The following CDH22 variants were observed in gnomAD, a reference collection of about 807,000 sequenced individuals.
CDH22 encodes the protein cadherin-22.
CDH22 carries 30 observed loss-of-function variants against 58.4 expected under a neutral mutation model. The observed-to-expected ratio is 0.51, with a 90% CI of 0.38 to 0.70. The LOEUF (loss-of-function observed/expected upper bound fraction) is 0.70, where lower values mean the gene tolerates loss of function less well. Ranked by LOEUF, CDH22 falls within the 30% of genes least tolerant of loss-of-function variation. The pLI is 0.00. For synonymous variants in CDH22, 513 were observed against 558.2 expected (o/e 0.92, Z 1.14); for missense variants, 1,014 against 1,233.9 (o/e 0.82, Z 2.67).
At chr20:46,284,196 C>G (rs900690511) in intron 1 of CDH22, among the ~76,000 whole-genome samples, 17 of 151,442 alleles carry the variant, frequency 1.1e-4, no homozygotes, top group African/African-American at 3.9e-4. Flanking sequence ...CCAGATCTTC[C>G]TGGAGTGCAT....
At chr20:46,190,342 C>G (rs935125685) in intron 8 of CDH22, among the ~76,000 whole-genome samples, 5 of 152,164 alleles carry the variant, frequency 3.3e-5, no homozygotes, top group Non-Finnish European at 7.4e-5. Flanking sequence ...AGCAGCAGAG[C>G]TGGGGTTGGG....
At chr20:46,301,972 C>G (rs2086654345) in intron 1 of CDH22, among the ~76,000 whole-genome samples, 1 of 152,202 alleles carries the variant, frequency 6.6e-6, no homozygotes, top group Non-Finnish European at 1.5e-5. Context: ...GTGCATCCTT[C>G]TCTCCTCTCT....
rs935333864 is a variant in CDH22 at position 46,298,369 on chromosome 20, G to A, written c.-400+9886C>T. On this transcript the variant is annotated intron_variant, in intron 1 of 11. Transcript: ENST00000537909. ...CAGGTATCTTCAAATGCTGTGTTAA[G>A]GTTTTATCAGAGCCTGGCACATAGT... 9.2e-5 allele frequency among the ~76,000 whole-genome samples: 14 copies of A among 152,200 alleles called. 1 individual carries two copies. The highest frequency in any genetic ancestry group is 6.5e-4 in the Admixed American group (10 of 15,280).
rs192874392 is a variant in CDH22 at position 46,176,880 on chromosome 20, G to A, written c.1915+1066C>T. On this transcript the variant is annotated intron_variant, in intron 11 of 11. Transcript: ENST00000537909. ...GACAGATGTGCCAGGCCTGATCAGC[G>A]ATTCCACCCGTCACCTTTAGAGCAC... 1.8e-4 allele frequency among the ~76,000 whole-genome samples: 27 copies of A among 152,378 alleles called. No individual in the cohort carries two copies. The East Asian group carries it at 1.9e-3, about 11-fold the overall frequency.
chr20:46,174,873 C>CCCGCTCCCCCGT lies in CDH22; in HGVS notation c.2119_2120insACGGGGGAGCGG (p.Ala706_Gly707insAspGlyGlyAla). Reference sequence around the variant, plus strand: ...GCCCGAGCCCCCGCCCGCTCCCCCGCCCGCGCTGCCGCCCCCGTCGCCGCC... The same window carrying CCCGCTCCCCCGT: ...GCCCGAGCCCCCGCCCGCTCCCCCGCCCGCTCCCCCGTCCGCGCTGCCGCCCCCGTCGCCGCC... On this transcript the variant is annotated inframe_insertion, in exon 12 of 12. Transcript: ENST00000537909. This position sits in a 1 kb window ranked among gnomAD's most constrained non-coding sequence, Gnocchi z 4.4. The CCCGCTCCCCCGT allele has an allele frequency of 7.4e-7, 1 of 1,354,176 alleles. No homozygotes were observed. The highest frequency in any genetic ancestry group is 1.5e-5 in the African/African-American group (1 of 67,144). 83.9% of individuals were successfully genotyped at this position (1,354,176 alleles called of 1,614,324 possible).
At chr20:46,288,116 C>T (rs2086584013) in intron 1 of CDH22, among the ~76,000 whole-genome samples, 1 of 152,144 alleles carries the variant, frequency 6.6e-6, no homozygotes, top group South Asian at 2.1e-4. Context: ...GCTTAACATT[C>T]CCCAATGTGT....
At chr20:46,252,110 C>G (rs903535108) in intron 1 of CDH22, among the ~76,000 whole-genome samples, 3 of 151,970 alleles carry the variant, frequency 2.0e-5, no homozygotes, top group African/African-American at 7.3e-5. Flanking sequence ...GCCCCCAAGA[C>G]CCAGGCCTCC....
chr20:46,301,913 A>C (rs2086653917), intron 1 of CDH22, among the ~76,000 whole-genome samples: 1 of 152,218 alleles, frequency 6.6e-6, no homozygotes, highest in East Asian at 1.9e-4. Context: ...TATACATGGC[A>C]ATGTGCCCTC....
At chr20:46,249,390 C>T (rs1383398333) in intron 2 of CDH22, among the ~76,000 whole-genome samples, 93 of 152,204 alleles carry the variant, frequency 6.1e-4, no homozygotes, top group Non-Finnish European at 1.5e-4. Context: ...TTGAGCAAGG[C>T]CTTGAACCTA....
intron 1 of CDH22, among the ~76,000 whole-genome samples, chr20:46,265,276 C>CCCTCCAAACCGCCT (rs2086453827): frequency 6.6e-6 from 1 of 152,192 alleles, no homozygotes; most frequent in South Asian, 2.1e-4. Context: ...AGGCCCTTCT[C>CCCTCCAAACCGCCT]CCTCCAAACC....
chr20:46,301,880 A>G (rs1307033677), intron 1 of CDH22, among the ~76,000 whole-genome samples: 1 of 152,216 alleles, frequency 6.6e-6, no homozygotes, highest in Non-Finnish European at 1.5e-5. Context: ...TAATAAGACA[A>G]CGAAAGAATG....
At chr20:46,224,409 A>G (rs770479283) in intron 4 of CDH22, among the ~76,000 whole-genome samples, 3 of 152,178 alleles carry the variant, frequency 2.0e-5, no homozygotes, top group Non-Finnish European at 4.4e-5. Context: ...ACGACCATCA[A>G]GTGAGATGGG....
chr20:46,262,666 G>C (rs2086439039), intron 1 of CDH22, among the ~76,000 whole-genome samples: 1 of 152,170 alleles, frequency 6.6e-6, no homozygotes, highest in African/African-American at 2.4e-5. Flanking sequence ...GAGACACAAA[G>C]AGTTTATGTG....
intron 8 of CDH22, among the ~76,000 whole-genome samples, chr20:46,190,222 G>C (rs182050855): frequency 6.6e-6 from 1 of 152,164 alleles, no homozygotes; most frequent in African/African-American, 2.4e-5. Context: ...TTATGACCTC[G>C]TGTCATCCTT....
intron 1 of CDH22, among the ~76,000 whole-genome samples, chr20:46,257,618 G>T (rs1204894942): frequency 6.6e-6 from 1 of 152,304 alleles, no homozygotes; most frequent in East Asian, 1.9e-4. Context: ...AACTGACCTT[G>T]ATGTGTTACA....
chr20:46,217,781 C>T (rs1176315910), intron 4 of CDH22, among the ~76,000 whole-genome samples: 2 of 152,034 alleles, frequency 1.3e-5, no homozygotes, highest in Non-Finnish European at 2.9e-5. Context: ...ACTCAATGAT[C>T]CACACACATT....
At chr20:46,236,020 T>G (rs577483837) in intron 3 of CDH22, among the ~76,000 whole-genome samples, 2 of 152,234 alleles carry the variant, frequency 1.3e-5, no homozygotes, top group African/African-American at 4.8e-5. Context: ...CTCACTCACT[T>G]CTCTTCAGCC....
chr20:46,203,042 T>C (rs1429279059), intron 7 of CDH22, among the ~76,000 whole-genome samples: 1 of 152,180 alleles, frequency 6.6e-6, no homozygotes, highest in African/African-American at 2.4e-5. Flanking sequence ...CTCCTCCTCT[T>C]CCTCCTTCTC....
At chr20:46,181,771 C>CTTTCTTTCTTTCTTTCTTTT in intron 10 of CDH22, among the ~76,000 whole-genome samples, 1 of 125,500 alleles carries the variant, frequency 8.0e-6, no homozygotes, top group Non-Finnish European at 1.7e-5. Context: ...TTCTTTCTTT[C>CTTTCTTTCTTTCTTTCTTTT]TTTCTTTCTT....
Sources: gnomAD v4.1 joint callset for allele counts (sites outside exome capture counted in the v4.1 genomes callset) on GRCh38, gnomAD v4.1.1 for gene constraint, Gnocchi (gnomAD v3.1) non-coding constraint, MANE v1.5 for transcripts, NCBI Gene and HGNC (gene_info 2026-07-23, HGNC 2026-07-21) for gene names.